Variants in QSOX2 observed in about 807,000 individuals in gnomAD.
QSOX2 encodes the protein quiescin sulfhydryl oxidase 2.
A neutral mutation model predicts 61.7 loss-of-function variants in QSOX2; 46 were observed. The observed-to-expected ratio is 0.75, with a 90% confidence interval of 0.59 to 0.95. The LOEUF (loss-of-function observed/expected upper bound fraction) is 0.95. Ranked by LOEUF, QSOX2 falls within the 40% of genes least tolerant of loss-of-function variation. The pLI, the probability that QSOX2 is intolerant of heterozygous loss-of-function variation, is 0.00. For synonymous variants in QSOX2, 383 were observed against 388.4 expected (o/e 0.99, Z 0.16); for missense variants, 879 against 918.9 (o/e 0.96, Z 0.56).
intron 10 of QSOX2, among the ~76,000 whole-genome samples, chr9:136,213,514 T>G (rs568495569): frequency 6.6e-6 from 1 of 152,086 alleles, no homozygotes; most frequent in African/African-American, 2.4e-5. Context: ...AACATACTAC[T>G]CTTTTTTTCT....
At position 136,230,135 on chromosome 9, in the gene QSOX2, C is replaced by T. The variant is rs551564952; in HGVS notation, c.329-3261G>A. On this transcript the variant is annotated intron_variant, in intron 1 of 11. Coordinates refer to ENST00000358701, the MANE Select transcript of QSOX2 (RefSeq NM_181701.4). ...CTCTACTAAAAATACAAAAATTAGC[C>T]GGGCGTGGTGGTGCGTGCCTGTAGT... 4.8e-4 allele frequency among the ~76,000 whole-genome samples: 73 copies of T among 152,202 alleles called. 1 individual carries two copies. Among genetic ancestry groups the T allele is most frequent in the East Asian group, 2.3e-3 (12 of 5,174 alleles).
In QSOX2 at chr9:136,221,643, G is replaced by A. The variant is rs17040775; in HGVS notation, c.821+153C>T. ...CACAGCACAGATCAGCAATACCCAC[G>A]GGCTGAGAGCCAGGGCCCAAATCTG... On this transcript the variant is annotated intron_variant, in intron 6 of 11. Transcript: ENST00000358701. The surrounding 1 kb of genome is among the most constrained non-coding windows in gnomAD (Gnocchi z 4.5). Among the ~76,000 whole-genome samples the A allele has an allele frequency of 0.021, 3,244 of 152,254 alleles. 100 individuals carry two copies. Among genetic ancestry groups the A allele is most frequent in the African/African-American group, 0.068 (2,835 of 41,518 alleles).
At chr9:136,228,057 G>A (rs1830298608) in intron 1 of QSOX2, among the ~76,000 whole-genome samples, 2 of 152,144 alleles carry the variant, frequency 1.3e-5, no homozygotes, top group African/African-American at 4.8e-5. Flanking sequence ...TTCCTTCTCT[G>A]GGTTTGACTG....
At chr9:136,211,488 G>GCGTGGGCATCACCTGACCC in intron 10 of QSOX2, 36 bp from the exon 11 acceptor site, 1 of 1,604,298 alleles carries the variant, frequency 6.2e-7, no homozygotes, top group Non-Finnish European at 8.5e-7. Flanking sequence ...AACGGCAGGT[G>GCGTGGGCATCACCTGACCC]CGTGGGCATC....
chr9:136,209,907 G>C lies in QSOX2; in HGVS notation c.1550-632C>G. On this transcript the variant is annotated intron_variant, in intron 11 of 11. Transcript: ENST00000358701. The surrounding 1 kb of genome is among the most constrained non-coding windows in gnomAD (Gnocchi z 5.6). ...TCACTTCCAGGCCCAACAGGCATCC[G>C]TCATGCAGAAGCTGCGGCGCACGGC... is the stretch of plus-strand genomic sequence containing the variant. The C allele has an allele frequency of 1.0e-6, 1 of 985,400 alleles. No individual in the cohort carries two copies. Among genetic ancestry groups the C allele is most frequent in the African/African-American group, 1.7e-5 (1 of 57,378 alleles). The allele number at this position is 985,400 out of a possible 1,614,324, so 61.0% of individuals were successfully genotyped here.
rs1389643281 is a variant in QSOX2 at position 136,245,513 on chromosome 9, G to A, written c.291C>T (p.Tyr97=). Residue 97 remains tyrosine (Y), a synonymous_variant, in exon 1 of 12, where the codon TAC becomes TAT. Transcript: ENST00000358701. The part of the protein sequence containing the change: ...YSSWCGHCIG[Y]APTWRALAGD... ...CAGCCAGGGCCCGCCAAGTGGGCGCGTAGCCGATGCAGTGGCCACACCACG... is the reference window on the plus strand; with the variant it reads ...CAGCCAGGGCCCGCCAAGTGGGCGCATAGCCGATGCAGTGGCCACACCACG... The A allele has an allele frequency of 8.8e-6, 14 of 1,594,038 alleles. No homozygotes were observed. The African/African-American group carries it at 1.5e-4, about 17-fold the overall frequency.
chr9:136,216,780 C>T (rs536882149), intron 8 of QSOX2, 58 bp from the exon 9 acceptor site: 43 of 1,597,842 alleles, frequency 2.7e-5, no homozygotes, highest in Admixed American at 1.7e-4. Flanking sequence ...CCGCCCCCAC[C>T]GCGGGGGGCA....
At chr9:136,234,936 T>A (rs2131066512) in intron 1 of QSOX2, among the ~76,000 whole-genome samples, 1 of 151,966 alleles carries the variant, frequency 6.6e-6, no homozygotes, top group Non-Finnish European at 1.5e-5. Context: ...CCGCTCCCTT[T>A]ACCGGGCTCG....
chr9:136,211,492 G>A (rs746858860), intron 10 of QSOX2, 40 bp from the exon 11 acceptor site: 35 of 1,598,312 alleles, frequency 2.2e-5, no homozygotes, highest in Non-Finnish European at 3.0e-5. Context: ...GCAGGTGCGT[G>A]GGCATCACCT....
At chr9:136,224,627 A>G (rs1045649376) in intron 3 of QSOX2, among the ~76,000 whole-genome samples, 9 of 152,242 alleles carry the variant, frequency 5.9e-5, no homozygotes, top group Non-Finnish European at 1.5e-5. Context: ...ACAATAAAAA[A>G]TTTACTCTGA....
intron 10 of QSOX2, among the ~76,000 whole-genome samples, chr9:136,212,287 G>C (rs1273865262): frequency 6.6e-6 from 1 of 152,218 alleles, no homozygotes; most frequent in African/African-American, 2.4e-5. Context: ...ACAGGAGCTT[G>C]AACGCACAGA....
rs947312593 is a variant in QSOX2 at position 136,223,412 on chromosome 9, A to T, written c.675+351T>A. Among the ~76,000 whole-genome samples the T allele has an allele frequency of 3.3e-5, 5 of 152,176 alleles. No homozygotes were observed. Among genetic ancestry groups the T allele is most frequent in the Admixed American group, 6.5e-5 (1 of 15,278 alleles). ...GTTGAGAGTTCAGAATACGGCAACG[A>T]AAAAAATCTTAGTAATAATGCATAC... is the stretch of plus-strand genomic sequence containing the variant. On this transcript the variant is annotated intron_variant, in intron 5 of 11. Coordinates refer to ENST00000358701, the MANE Select transcript of QSOX2 (RefSeq NM_181701.4). The surrounding 1 kb of genome is among the most constrained non-coding windows in gnomAD (Gnocchi z 4.4).
rs555866710 is a variant in QSOX2, at chr9:136,226,233, G to A, written c.429+541C>T. Among the ~76,000 whole-genome samples the A allele has an allele frequency of 7.9e-5, 12 of 152,346 alleles. No individual in the cohort carries two copies. The South Asian group carries it at 1.5e-3, about 18-fold the overall frequency. Reference sequence around the variant, plus strand: ...AGGCACGCAGGAGGCAGTGGCACCCGCAGGTACACACATGCTATGCACGGG... The same window carrying A: ...AGGCACGCAGGAGGCAGTGGCACCCACAGGTACACACATGCTATGCACGGG... On this transcript the variant is annotated intron_variant, in intron 2 of 11. Transcript: ENST00000358701.
rs752669842 is a variant in QSOX2, at chr9:136,209,147, G to C, written c.1678C>G (p.Gln560Glu). Residue 560 changes from glutamine (Q) to glutamate (E), a missense_variant, in exon 12 of 12, where the codon CAG (glutamine) becomes GAG (glutamate). Gln to Glu is a conservative substitution (Grantham distance 29). Transcript: ENST00000358701. This position sits in a 1 kb window ranked among gnomAD's most constrained non-coding sequence, Gnocchi z 5.6. ...AAGAGGTTGTCGCGGCCATAGTGCTGCTTCAAGAATGTGAGCACGTGGCCT... is the reference window on the plus strand; with the variant it reads ...AAGAGGTTGTCGCGGCCATAGTGCTCCTTCAAGAATGTGAGCACGTGGCCT... ...DEGHVLTFLKQHYGRDNLLDT... is the reference protein window; with the variant it reads ...DEGHVLTFLKEHYGRDNLLDT... 1.2e-6 allele frequency: 2 copies of C among 1,614,196 alleles called. No homozygotes were observed. Among genetic ancestry groups the C allele is most frequent in the East Asian group, 4.5e-5 (2 of 44,882 alleles).
chr9:136,221,560 C>T lies in QSOX2; in HGVS notation c.821+236G>A, dbSNP rs530313734. On this transcript the variant is annotated intron_variant, in intron 6 of 11. Coordinates refer to ENST00000358701, the MANE Select transcript of QSOX2 (RefSeq NM_181701.4). This position sits in a 1 kb window ranked among gnomAD's most constrained non-coding sequence, Gnocchi z 4.5. ...CTCTGCGACTCTTGGTAAGTCACCA[C>T]GCCAGGCTCCTCCTAGGTGCGGGGA... 3.3e-5 allele frequency among the ~76,000 whole-genome samples: 5 copies of T among 152,342 alleles called. No homozygotes were observed. In the South Asian group the frequency reaches 1.0e-3, roughly 32 times the overall value.
rs1170725738 is a variant in QSOX2 at position 136,220,623 on chromosome 9, TCCTCACGCTGTCCTTC to T, written c.821+1157_821+1172del. On this transcript the variant is annotated intron_variant, in intron 6 of 11. Coordinates refer to ENST00000358701, the MANE Select transcript of QSOX2 (RefSeq NM_181701.4). The stretch of plus-strand genomic sequence containing the variant: ...GCAGGCTAGCCTCACGCTGTCCTTC[TCCTCACGCTGTCCTTC>T]TCCCCAAGGTGAGGAGGAGCGGGGC... Among the ~76,000 whole-genome samples the T allele has an allele frequency of 6.0e-5, 3 of 49,608 alleles. No individual in the cohort carries two copies. In the African/African-American group the frequency reaches 1.1e-3, roughly 19 times the overall value. 32.5% of individuals were successfully genotyped at this position (49,608 alleles called of 152,430 possible).
rs372271403 is a variant in QSOX2, at chr9:136,219,164, G to T, written c.822C>A (p.Val274=). 6 of 1,612,796 alleles carry T rather than the reference G, an allele frequency of 3.7e-6. No homozygotes were observed. Among genetic ancestry groups the T allele is most frequent in the Non-Finnish European group, 5.1e-6 (6 of 1,179,422 alleles). ...YPNGSHGLIN[V]VKPLRAFFSS... ...AAAAGAAGGCCCGCAGAGGCTTCAC[G>T]CTGTGAGAGAGGGGAGGGCAAAGGT... The change falls in exon 7 of 12, where the codon GTC becomes GTA. Residue 274 remains valine (V), a splice_region_variant and synonymous_variant. Transcript: ENST00000358701.
At chr9:136,213,778 T>G (rs1831877560) in intron 10 of QSOX2, among the ~76,000 whole-genome samples, 1 of 151,804 alleles carries the variant, frequency 6.6e-6, no homozygotes, top group Non-Finnish European at 1.5e-5. Flanking sequence ...TCTCAGGGGG[T>G]CCTGCCTGAA....
intron 11 of QSOX2, chr9:136,210,347 G>A (rs2131048047): frequency 1.0e-6 from 1 of 985,490 alleles, no homozygotes; most frequent in Non-Finnish European, 1.2e-6. Context: ...GCCCCTTTCT[G>A]TTGCAGTCTC....
Sources: allele counts gnomAD v4.1 joint callset (sites outside exome capture counted in the v4.1 genomes callset), GRCh38; gene constraint gnomAD v4.1.1; non-coding constraint Gnocchi (gnomAD v3.1); transcripts MANE v1.5; gene names NCBI Gene and HGNC (gene_info 2026-07-23, HGNC 2026-07-21).